The following DIAPH2 variants were observed in gnomAD, a reference collection of about 807,000 sequenced individuals.
The protein encoded by DIAPH2 is diaphanous related formin 2.
In DIAPH2, 35 loss-of-function variants were observed where a neutral mutation model predicts 92.7. The observed-to-expected ratio is 0.38, with a 90% CI of 0.29 to 0.50. DIAPH2 has a LOEUF of 0.50. Ranked by LOEUF, DIAPH2 falls within the 20% of genes least tolerant of loss-of-function variation. The probability of loss-of-function intolerance (pLI) is 0.94; values close to 1 mark genes in which losing one functional copy is unlikely to be tolerated. For synonymous variants in DIAPH2, 301 were observed against 280.4 expected (o/e 1.07, Z -0.73); for missense variants, 701 against 819.5 (o/e 0.86, Z 1.77).
intron 17 of DIAPH2, among the ~76,000 whole-genome samples, chrX:96,966,607 G>A (rs978744135): frequency 2.7e-5 from 3 of 111,921 alleles, no homozygotes; most frequent in Non-Finnish European, 5.6e-5. Context: ...AGGTGCTTGT[G>A]TTTATCTACT....
chrX:97,144,660 G>A (rs1408916113), intron 22 of DIAPH2, among the ~76,000 whole-genome samples: 7 of 110,885 alleles, frequency 6.3e-5, no homozygotes, highest in African/African-American at 9.8e-5. Flanking sequence ...TATGTAGTGA[G>A]ACATTCAATA....
intron 24 of DIAPH2, among the ~76,000 whole-genome samples, chrX:97,353,995 A>G (rs892843976): frequency 2.7e-5 from 3 of 110,630 alleles, no homozygotes; most frequent in Non-Finnish European, 5.7e-5. Flanking sequence ...TTTAATTTTT[A>G]ATAGAGATGA....
chrX:96,784,773 T>G (rs965709248), intron 4 of DIAPH2, among the ~76,000 whole-genome samples: 6 of 112,329 alleles, frequency 5.3e-5, no homozygotes, highest in African/African-American at 1.9e-4. Context: ...GTGGATTCTG[T>G]GTTAACTGTC....
intron 23 of DIAPH2, among the ~76,000 whole-genome samples, chrX:97,281,299 T>A (rs2068494620): frequency 8.9e-6 from 1 of 111,832 alleles, no homozygotes; most frequent in African/African-American, 3.2e-5. Flanking sequence ...CTCTTCTTAT[T>A]TACTGTATTT....
chrX:97,295,279 TTA>T (rs775926851), intron 23 of DIAPH2, among the ~76,000 whole-genome samples: 1 of 112,023 alleles, frequency 8.9e-6, no homozygotes, highest in African/African-American at 3.2e-5. Flanking sequence ...AATTCAAATA[TTA>T]TCTTTTGCAG....
chrX:96,807,711 T>C (rs778868768), intron 4 of DIAPH2, among the ~76,000 whole-genome samples: 1 of 107,462 alleles, frequency 9.3e-6, no homozygotes, highest in South Asian at 4.2e-4. Context: ...AAGAAGAGGG[T>C]CTGAGCTAAG....
At chrX:96,853,383 T>A (rs777250944) in intron 4 of DIAPH2, among the ~76,000 whole-genome samples, 5 of 111,814 alleles carry the variant, frequency 4.5e-5, no homozygotes, top group Non-Finnish European at 9.4e-5. Flanking sequence ...CATGACAGCA[T>A]TAGAAAATAA....
chrX:97,034,555 A>T (rs1040665317), intron 17 of DIAPH2, among the ~76,000 whole-genome samples: 2 of 110,275 alleles, frequency 1.8e-5, no homozygotes, highest in African/African-American at 6.6e-5. Flanking sequence ...TTCTTTCATG[A>T]CTTAGGACTA....
At chrX:96,792,399 T>G (rs1375378214) in intron 4 of DIAPH2, among the ~76,000 whole-genome samples, 3 of 111,861 alleles carry the variant, frequency 2.7e-5, no homozygotes, top group Non-Finnish European at 5.6e-5. Context: ...GGTGGTCCTC[T>G]GCTCCTGACA....
intron 1 of DIAPH2, among the ~76,000 whole-genome samples, chrX:96,712,662 C>T (rs1427922047): frequency 9.0e-6 from 1 of 111,393 alleles, no homozygotes; most frequent in Non-Finnish European, 1.9e-5. Flanking sequence ...ATCAACAATA[C>T]AGTTATGATT....
chrX:97,441,292 G>A (rs987634775), intron 26 of DIAPH2, among the ~76,000 whole-genome samples: 2 of 109,989 alleles, frequency 1.8e-5, no homozygotes, highest in Non-Finnish European at 3.8e-5. Flanking sequence ...GTGCATGCCT[G>A]TAATCCCAGC....
chrX:97,543,563 G>C (rs1170085526), intron 26 of DIAPH2, among the ~76,000 whole-genome samples: 1 of 110,538 alleles, frequency 9.0e-6, no homozygotes, highest in African/African-American at 3.3e-5. Context: ...GGAGTGCAGT[G>C]ATGCGATCTT....
chrX:97,430,630 G>GGCT (rs1407584911), intron 26 of DIAPH2, among the ~76,000 whole-genome samples: 4 of 112,475 alleles, frequency 3.6e-5, no homozygotes, highest in Non-Finnish European at 7.5e-5. Context: ...AGATTAATAA[G>GGCT]ATTTGCCTTA....
chrX:97,211,818 G>T (rs1464017265), intron 22 of DIAPH2, among the ~76,000 whole-genome samples: 3 of 111,642 alleles, frequency 2.7e-5, no homozygotes, highest in South Asian at 3.7e-4. Flanking sequence ...TTATACTGTT[G>T]CCTAAGATGT....
intron 17 of DIAPH2, among the ~76,000 whole-genome samples, chrX:97,007,636 G>T (rs2066191965): frequency 9.2e-6 from 1 of 108,741 alleles, no homozygotes. Context: ...AATGTCTTGA[G>T]GTAATCTTAT....
At chrX:96,822,758 T>C (rs1035867249) in intron 4 of DIAPH2, among the ~76,000 whole-genome samples, 6 of 112,246 alleles carry the variant, frequency 5.3e-5, no homozygotes, top group African/African-American at 1.9e-4. Flanking sequence ...AATGAAGAAC[T>C]TTTATAAATC....
intron 17 of DIAPH2, among the ~76,000 whole-genome samples, chrX:97,017,355 T>A (rs762566735): frequency 1.8e-5 from 2 of 111,820 alleles, no homozygotes; most frequent in South Asian, 7.5e-4. Context: ...TTTTGGAAGA[T>A]TATAAATAGT....
chrX:97,512,702 TG>T, intron 26 of DIAPH2, among the ~76,000 whole-genome samples: 1 of 29,007 alleles, frequency 3.4e-5, no homozygotes, highest in African/African-American at 8.2e-5. Flanking sequence ...GATTCTGGTA[TG>T]ATGTGTCTTT....
chrX:97,139,412 G>T (rs1386043529), intron 21 of DIAPH2, among the ~76,000 whole-genome samples: 1 of 106,799 alleles, frequency 9.4e-6, no homozygotes, highest in Non-Finnish European at 1.9e-5. Context: ...GTGATTTCCT[G>T]CCAGTTTGAA....
Sources: allele counts gnomAD v4.1 joint callset (sites outside exome capture counted in the v4.1 genomes callset), GRCh38; gene constraint gnomAD v4.1.1; transcripts MANE v1.5; gene names NCBI Gene and HGNC (gene_info 2026-07-23, HGNC 2026-07-21).